LMNB1: variants seen among roughly 807,000 people sequenced by gnomAD.
LMNB1 encodes lamin B1, also known as lamin-B1.
Under a neutral mutation model 67.1 loss-of-function variants are expected in LMNB1, and 23 were observed. The observed-to-expected ratio is 0.34, with a 90% CI of 0.25 to 0.49. The LOEUF (loss-of-function observed/expected upper bound fraction) is 0.49, where lower values mean the gene tolerates loss of function less well. Among genes scored for constraint, LMNB1 ranks in the 20% least tolerant of loss-of-function variants. The pLI, the probability that LMNB1 is intolerant of heterozygous loss-of-function variation, is 0.99. For synonymous variants in LMNB1, 281 were observed against 282.9 expected, an observed-to-expected ratio of 0.99 and a Z score of 0.07; for missense variants, 634 against 746.5, an observed-to-expected ratio of 0.85 and a Z score of 1.76.
At chr5:126,811,468 GTCT>G (rs1266968325) in intron 4 of LMNB1, among the ~76,000 whole-genome samples, 2 of 152,164 alleles carry the variant, frequency 1.3e-5, no homozygotes, top group Non-Finnish European at 2.9e-5. Context: ...CTATTGCCCA[GTCT>G]TCTTATTATC....
intron 1 of LMNB1, among the ~76,000 whole-genome samples, chr5:126,786,942 A>G (rs1195890954): frequency 2.6e-5 from 4 of 152,206 alleles, no homozygotes; most frequent in Non-Finnish European, 4.4e-5. Flanking sequence ...ACTTTATTCC[A>G]TGCCTTAATA....
At chr5:126,835,388 G>T (rs188185518) in intron 10 of LMNB1, among the ~76,000 whole-genome samples, 3 of 152,196 alleles carry the variant, frequency 2.0e-5, no homozygotes, top group Non-Finnish European at 2.9e-5. Context: ...ATATTGTGAG[G>T]TTATATGAAA....
intron 1 of LMNB1, among the ~76,000 whole-genome samples, chr5:126,789,953 G>A (rs756445388): frequency 5.3e-5 from 8 of 151,802 alleles, no homozygotes; most frequent in Admixed American, 1.3e-4. Context: ...GATTACAGGC[G>A]TGAGCCACTG....
At chr5:126,805,527 G>T (rs766274291) in intron 2 of LMNB1, 44 bp from the exon 3 acceptor site, 83 of 1,405,400 alleles carry the variant, frequency 5.9e-5, no homozygotes, top group Non-Finnish European at 7.5e-5. Context: ...ATTATTAAAT[G>T]ATTGCCATGT....
intron 6 of LMNB1, among the ~76,000 whole-genome samples, chr5:126,819,687 C>T (rs1271435318): frequency 2.0e-5 from 3 of 151,826 alleles, no homozygotes; most frequent in Non-Finnish European, 4.4e-5. Context: ...GAGGTTTCAC[C>T]ATGTTGGCCA....
At chr5:126,791,156 C>A (rs1750946769) in intron 1 of LMNB1, among the ~76,000 whole-genome samples, 1 of 152,104 alleles carries the variant, frequency 6.6e-6, no homozygotes, top group Non-Finnish European at 1.5e-5. Flanking sequence ...TTCTTTTGAT[C>A]CAGTTCTAAA....
rs777646206 is a variant in LMNB1 at position 126,777,344 on chromosome 5, AGCT to A, written c.-164_-162del. ...GCCTTTGCCCTTTGTGCTGTAATCGAGCTCCCGCCATCCCAGGTGCTTCTCCGT... is the reference window on the plus strand; with the variant it reads ...GCCTTTGCCCTTTGTGCTGTAATCGACCCGCCATCCCAGGTGCTTCTCCGT... On this transcript the variant is annotated 5_prime_UTR_variant, in exon 1 of 11. Transcript: ENST00000261366. The A allele has an allele frequency of 2.8e-4, 200 of 717,754 alleles. No homozygotes were observed. The East Asian group carries it at 5.8e-3, about 21-fold the overall frequency. 44.5% of individuals were successfully genotyped at this position (717,754 alleles called of 1,614,324 possible). A position where few individuals can be genotyped will look rare whatever the true frequency, so the allele number is the denominator to read the frequency against.
Position 126,802,149 on chromosome 5 carries a change from T to G in LMNB1, c.360-2627T>G, listed in dbSNP as rs538007986. 3.5e-4 allele frequency among the ~76,000 whole-genome samples: 53 copies of G among 152,350 alleles called. 1 individual carries two copies. In the South Asian group the frequency reaches 0.01, roughly 30 times the overall value. ...GTTAAAGCCTGCCATCGTGTGGTGT[T>G]TTAAAGCATGAGATTTAAGCATGTG... On this transcript the variant is annotated intron_variant, in intron 1 of 10. Coordinates refer to ENST00000261366, the MANE Select transcript of LMNB1 (RefSeq NM_005573.4).
intron 9 of LMNB1, among the ~76,000 whole-genome samples, chr5:126,830,715 C>T (rs1752111339): frequency 6.6e-6 from 1 of 152,124 alleles, no homozygotes; most frequent in Admixed American, 6.5e-5. Context: ...GGATGTATAC[C>T]ACGAGCTTCT....
intron 1 of LMNB1, among the ~76,000 whole-genome samples, chr5:126,793,610 C>T (rs554788703): frequency 2.6e-5 from 4 of 152,238 alleles, no homozygotes; most frequent in Admixed American, 2.0e-4. Flanking sequence ...CATGGTGGCT[C>T]ACGCCTGTAA....
chr5:126,821,086 A>T lies in LMNB1; in HGVS notation c.1337A>T (p.Glu446Val), dbSNP rs1231324491. Residue 446 changes from glutamate to valine, a missense_variant, in exon 7 of 11, where the codon GAA (glutamate) becomes GTA (valine). Transcript: ENST00000261366. Reference sequence around the variant, plus strand: ...GCCACTGGAAATGTTTGCATCGAAGAAATTGATGTTGATGGGAAATTTATC... The same window carrying T: ...GCCACTGGAAATGTTTGCATCGAAGTAATTGATGTTGATGGGAAATTTATC... ...ASATGNVCIE[E>V]IDVDGKFIRL... 3 of 1,614,020 alleles carry T rather than the reference A, an allele frequency of 1.9e-6. No homozygotes were observed.
intron 5 of LMNB1, 87 bp downstream of exon 5, chr5:126,811,985 T>C: frequency 1.5e-6 from 2 of 1,312,236 alleles, no homozygotes; most frequent in Admixed American, 3.7e-5. Context: ...CTGATGTCAC[T>C]CCTCCCTCTG....
chr5:126,812,957 C>G (rs1316880477), intron 5 of LMNB1, among the ~76,000 whole-genome samples: 2 of 152,138 alleles, frequency 1.3e-5, no homozygotes, highest in African/African-American at 4.8e-5. Context: ...TCTCGATCTC[C>G]TGACCTCATG....
intron 1 of LMNB1, among the ~76,000 whole-genome samples, chr5:126,787,193 ATATAT>A (rs1750808838): frequency 1.3e-5 from 2 of 152,032 alleles, no homozygotes; most frequent in African/African-American, 4.8e-5. Context: ...TACTAATAAA[ATATAT>A]TAAGTGCTGT....
intron 1 of LMNB1, among the ~76,000 whole-genome samples, chr5:126,788,580 T>C (rs1180551432): frequency 1.3e-5 from 2 of 152,102 alleles, no homozygotes; most frequent in Admixed American, 1.3e-4. Flanking sequence ...GAGGTTGTAG[T>C]GGGCGGAGGT....
At chr5:126,792,878 A>G (rs1036421980) in intron 1 of LMNB1, among the ~76,000 whole-genome samples, 4 of 152,138 alleles carry the variant, frequency 2.6e-5, no homozygotes, top group African/African-American at 9.7e-5. Flanking sequence ...GCCCGGCAGC[A>G]CTAGGGATTT....
chr5:126,834,212 CT>C (rs545249724), intron 10 of LMNB1, among the ~76,000 whole-genome samples: 270 of 144,920 alleles, frequency 1.9e-3, no homozygotes, highest in Non-Finnish European at 2.2e-3. Flanking sequence ...TTTCTTTTTT[CT>C]TTTTTTTTTT....
At chr5:126,805,775 A>G in intron 3 of LMNB1, 79 bp downstream of exon 3, 1 of 1,019,176 alleles carries the variant, frequency 9.8e-7, no homozygotes, top group Non-Finnish European at 1.4e-6. Flanking sequence ...ATGTAATTAT[A>G]TTTTATTTAT....
At chr5:126,811,606 A>C (rs2126718422) in intron 4 of LMNB1, 167 bp from the exon 5 acceptor site, 1 of 496,814 alleles carries the variant, frequency 2.0e-6, no homozygotes, top group East Asian at 3.2e-5. Context: ...AAAGTCACAC[A>C]GAATTACCAT....
Sources: gnomAD v4.1 joint callset for allele counts (sites outside exome capture counted in the v4.1 genomes callset) on GRCh38, gnomAD v4.1.1 for gene constraint, MANE v1.5 for transcripts, NCBI Gene and HGNC (gene_info 2026-07-23, HGNC 2026-07-21) for gene names.